IGF1: variants seen among roughly 807,000 people sequenced by gnomAD.
IGF1 encodes the protein insulin-like growth factor 1.
Under a neutral mutation model 13.8 loss-of-function variants are expected in IGF1, and 4 were observed. The ratio of observed to expected loss-of-function variants is 0.29; its 90% CI spans 0.14 to 0.66. The LOEUF is 0.66. Ranked by LOEUF, IGF1 falls within the 30% of genes least tolerant of loss-of-function variation. IGF1 has a pLI of 0.78. For synonymous variants in IGF1, 76 were observed against 72.6 expected (o/e 1.05, Z -0.23); for missense variants, 124 against 188.5 (o/e 0.66, Z 2.00).
intron 2 of IGF1, among the ~76,000 whole-genome samples, chr12:102,449,211 T>C (rs112427370): frequency 2.2e-3 from 333 of 152,274 alleles, no homozygotes; most frequent in African/African-American, 7.6e-3. Flanking sequence ...TAGAATACTA[T>C]GCAGCCATGA....
chr12:102,417,927 T>C, intron 3 of IGF1: 1 of 1,613,904 alleles, frequency 6.2e-7, no homozygotes, highest in East Asian at 2.2e-5. Context: ...CTCCTTCTGT[T>C]CCCCTCCTGG....
chr12:102,417,861 A>G lies in IGF1; in HGVS notation c.402+1648T>C, dbSNP rs751965333. On this transcript the variant is annotated intron_variant, in intron 3 of 3. Transcript: ENST00000337514. ...TCTGCATTCAGCATTTCTACTTCCA[A>G]TCTCCCTCCTCTGCTCTTTCTTCTT... 6.2e-6 allele frequency: 10 copies of G among 1,612,652 alleles called. No individual in the cohort carries two copies. In the East Asian group the frequency reaches 6.7e-5, roughly 11 times the overall value.
chr12:102,467,817 G>A (rs1003121978), intron 2 of IGF1, among the ~76,000 whole-genome samples: 2 of 152,198 alleles, frequency 1.3e-5, no homozygotes, highest in Non-Finnish European at 2.9e-5. Context: ...AGTGGGATGA[G>A]AAAAGAGAAT....
At chr12:102,449,440 T>C (rs1412602701) in intron 2 of IGF1, among the ~76,000 whole-genome samples, 1 of 151,942 alleles carries the variant, frequency 6.6e-6, no homozygotes, top group Non-Finnish European at 1.5e-5. Flanking sequence ...AAATACCTAA[T>C]GTAGGTGACG....
chr12:102,402,739 C>T, intron 3 of IGF1, 173 bp from the exon 4 acceptor site: 1 of 646,064 alleles, frequency 1.5e-6, no homozygotes, highest in Non-Finnish European at 2.8e-6. Context: ...GCCCTTAGTA[C>T]TTTTGCCAAA....
chr12:102,427,438 C>T (rs1419296913), intron 2 of IGF1, among the ~76,000 whole-genome samples: 1 of 152,236 alleles, frequency 6.6e-6, no homozygotes, highest in African/African-American at 2.4e-5. Context: ...GATATTAAAA[C>T]ACATTCTCTT....
At chr12:102,457,373 C>T (rs923231812) in intron 2 of IGF1, among the ~76,000 whole-genome samples, 1 of 152,180 alleles carries the variant, frequency 6.6e-6, no homozygotes, top group Non-Finnish European at 1.5e-5. Flanking sequence ...GGGAGGGGAA[C>T]CTCATGACTC....
In IGF1 at chr12:102,396,518, G is replaced by A. The variant is rs146272882; in HGVS notation, c.*5989C>T. The A allele has an allele frequency of 4.5e-4, 89 of 195,806 alleles. No individual in the cohort carries two copies. The highest frequency in any genetic ancestry group is 1.8e-3 in the African/African-American group (79 of 43,586). 12.1% of individuals were successfully genotyped at this position (195,806 alleles called of 1,614,324 possible). A position where few individuals can be genotyped will look rare whatever the true frequency, so the allele number is the denominator to read the frequency against. ...ATTAACAGAAGTGACTTTGCTATGA[G>A]TTGGTGAGTGGGGTCAATGGGTGGC... On this transcript the variant is annotated 3_prime_UTR_variant, in exon 4 of 4. Coordinates refer to ENST00000337514, the MANE Select transcript of IGF1 (RefSeq NM_000618.5).
At position 102,397,347 on chromosome 12, in the gene IGF1, A is replaced by G. The variant is rs1405410940; in HGVS notation, c.*5160T>C. The G allele has an allele frequency of 6.6e-6, 1 of 152,300 alleles. No individual in the cohort carries two copies. The highest frequency in any genetic ancestry group is 1.5e-5 in the Non-Finnish European group (1 of 68,096). 9.4% of individuals were successfully genotyped at this position (152,300 alleles called of 1,614,324 possible). On this transcript the variant is annotated 3_prime_UTR_variant, in exon 4 of 4. Transcript: ENST00000337514. Reference sequence around the variant, plus strand: ...ATAAGGGCTGGGTTGGGATGGGGGCAGAATAAAGACAGCTTCAAAAATCCC... The same window carrying G: ...ATAAGGGCTGGGTTGGGATGGGGGCGGAATAAAGACAGCTTCAAAAATCCC...
At chr12:102,422,848 G>T (rs1429819629) in intron 2 of IGF1, among the ~76,000 whole-genome samples, 1 of 152,138 alleles carries the variant, frequency 6.6e-6, no homozygotes, top group East Asian at 1.9e-4. Context: ...AATCAGAGCT[G>T]GTAGGTGAAT....
intron 1 of IGF1, among the ~76,000 whole-genome samples, chr12:102,476,209 G>A (rs1031532455): frequency 3.3e-5 from 5 of 152,068 alleles, no homozygotes; most frequent in Admixed American, 2.0e-4. Context: ...CAGATTTGGG[G>A]CCAAATAAGT....
chr12:102,436,680 C>T (rs1381714924), intron 2 of IGF1, among the ~76,000 whole-genome samples: 3 of 151,784 alleles, frequency 2.0e-5, no homozygotes, highest in Non-Finnish European at 2.9e-5. Context: ...AAGCAGAGGA[C>T]ATTTAATTTT....
At chr12:102,470,182 G>A (rs962497673) in intron 2 of IGF1, among the ~76,000 whole-genome samples, 2 of 152,142 alleles carry the variant, frequency 1.3e-5, no homozygotes, top group African/African-American at 4.8e-5. Flanking sequence ...AACTCTATAA[G>A]GCAGGCCCCA....
In IGF1 at chr12:102,396,122, C is replaced by T. The variant is rs1042354850; in HGVS notation, c.*6385G>A. ...TGCTTTTCAACTAAGACAGATGTAA[C>T]GAATGGCCAGTCATTATTTTCTGGT... On this transcript the variant is annotated 3_prime_UTR_variant, in exon 4 of 4. Coordinates refer to ENST00000337514, the MANE Select transcript of IGF1 (RefSeq NM_000618.5). 47 of 152,150 alleles carry T rather than the reference C, an allele frequency of 3.1e-4. No individual in the cohort carries two copies. Among genetic ancestry groups the T allele is most frequent in the African/African-American group, 1.1e-3 (44 of 41,516 alleles). 9.4% of individuals were successfully genotyped at this position (152,150 alleles called of 1,614,324 possible). A position where few individuals can be genotyped will look rare whatever the true frequency, so the allele number is the denominator to read the frequency against.
intron 2 of IGF1, among the ~76,000 whole-genome samples, chr12:102,426,243 A>AAGG (rs1876192306): frequency 6.6e-6 from 1 of 152,218 alleles, no homozygotes; most frequent in African/African-American, 2.4e-5. Context: ...CAAAGGACTC[A>AAGG]ACCTTCTAAG....
intron 2 of IGF1, among the ~76,000 whole-genome samples, chr12:102,429,371 T>C (rs1876530476): frequency 1.3e-5 from 2 of 152,246 alleles, no homozygotes; most frequent in Non-Finnish European, 2.9e-5. Flanking sequence ...TCTTTGGATA[T>C]TGCAGCAAAC....
chr12:102,424,122 G>A (rs1300849495), intron 2 of IGF1, among the ~76,000 whole-genome samples: 1 of 152,038 alleles, frequency 6.6e-6, no homozygotes, highest in Non-Finnish European at 1.5e-5. Flanking sequence ...AAACGCAAAC[G>A]TTTTCAAGTT....
At chr12:102,456,914 A>G (rs1879460399) in intron 2 of IGF1, among the ~76,000 whole-genome samples, 1 of 152,160 alleles carries the variant, frequency 6.6e-6, no homozygotes, top group Non-Finnish European at 1.5e-5. Context: ...CACTTCACTC[A>G]AATTACCTCT....
chr12:102,430,190 A>C (rs1876611262), intron 2 of IGF1, among the ~76,000 whole-genome samples: 1 of 152,282 alleles, frequency 6.6e-6, no homozygotes, highest in East Asian at 1.9e-4. Context: ...GTGAGGGCCT[A>C]AGTTCAGGAT....
Sources: gnomAD v4.1 joint callset for allele counts (sites outside exome capture counted in the v4.1 genomes callset) on GRCh38, gnomAD v4.1.1 for gene constraint, MANE v1.5 for transcripts, NCBI Gene and HGNC (gene_info 2026-07-23, HGNC 2026-07-21) for gene names.